Variants in SLC4A1AP observed in about 807,000 individuals in gnomAD.
SLC4A1AP encodes the protein solute carrier family 4 member 1 adaptor protein.
In SLC4A1AP, 64 loss-of-function variants were observed where a neutral mutation model predicts 89.7. That is an observed-to-expected ratio of 0.71 (90% CI 0.58 to 0.88). The LOEUF is 0.88. SLC4A1AP is among the 40% of genes least tolerant of loss of function. The pLI, the probability that SLC4A1AP is intolerant of heterozygous loss-of-function variation, is 0.00. For missense variants in SLC4A1AP, 931 were observed against 965.0 expected, an observed-to-expected ratio of 0.96 and a Z score of 0.47; for synonymous variants, 366 against 353.3, an observed-to-expected ratio of 1.04 and a Z score of -0.40.
rs765617772 is a variant in SLC4A1AP, at chr2:27,675,505, T to C, written c.1346-27T>C. 9 of 1,500,700 alleles carry C rather than the reference T, an allele frequency of 6.0e-6. No homozygotes were observed. In the Admixed American group the frequency reaches 1.3e-4, roughly 22 times the overall value. The allele number at this position is 1,500,700 out of a possible 1,614,324, so 93.0% of individuals were successfully genotyped here. ...TTTTCTTTTCTTTTTTAAAAACTTA[T>C]TTATTCATCATTTTATCTACCTCTA... On this transcript the variant is annotated intron_variant, in intron 5 of 13. Coordinates refer to ENST00000613058, the Ensembl canonical transcript of SLC4A1AP.
intron 9 of SLC4A1AP, 113 bp from the exon 10 acceptor site, chr2:27,684,924 A>G: frequency 7.8e-7 from 1 of 1,288,618 alleles, no homozygotes; most frequent in Non-Finnish European, 1.1e-6. Context: ...TGTGGAGTTC[A>G]TCAACCTAAA....
At chr2:27,688,357 C>G (rs1675739626) in intron 11 of SLC4A1AP, among the ~76,000 whole-genome samples, 1 of 152,174 alleles carries the variant, frequency 6.6e-6, no homozygotes, top group African/African-American at 2.4e-5. Flanking sequence ...AATTCCAAAA[C>G]TATCTTAAAA....
chr2:27,675,652 C>A, exon 6 of SLC4A1AP: 1 of 1,600,468 alleles, frequency 6.2e-7, no homozygotes. Context: ...ATGAAGAAGG[C>A]TGGCAAGATT....
chr2:27,683,150 C>T (rs1171335828), intron 9 of SLC4A1AP, among the ~76,000 whole-genome samples: 2 of 152,258 alleles, frequency 1.3e-5, no homozygotes, highest in East Asian at 1.9e-4. Flanking sequence ...AGTTAAATAC[C>T]AGATCACACC....
intron 5 of SLC4A1AP, among the ~76,000 whole-genome samples, chr2:27,674,939 G>A (rs191204961): frequency 1.3e-5 from 2 of 152,052 alleles, no homozygotes; most frequent in African/African-American, 4.8e-5. Flanking sequence ...CTTGACCTCA[G>A]GCGATCCATC....
intron 1 of SLC4A1AP, among the ~76,000 whole-genome samples, chr2:27,664,788 C>T (rs1022464755): frequency 3.3e-5 from 5 of 152,176 alleles, no homozygotes; most frequent in Non-Finnish European, 7.3e-5. Flanking sequence ...ACTTGTTTGG[C>T]CAGGCGCGGT....
Position 27,669,404 on chromosome 2 carries a change from C to T in SLC4A1AP, c.1345+17C>T. The T allele has an allele frequency of 2.7e-6, 4 of 1,456,338 alleles. No homozygotes were observed. The highest frequency in any genetic ancestry group is 2.7e-6 in the Non-Finnish European group (3 of 1,100,406). The allele number at this position is 1,456,338 out of a possible 1,614,324, so 90.2% of individuals were successfully genotyped here. ...AGGAAGCAGGTCAGTATATAGGAGCCCTTTTTTTCTAGATTTAAAAAAAGG... is the reference window on the plus strand; with the variant it reads ...AGGAAGCAGGTCAGTATATAGGAGCTCTTTTTTTCTAGATTTAAAAAAAGG... On this transcript the variant is annotated intron_variant, in intron 5 of 13. Transcript: ENST00000613058.
At chr2:27,664,266 C>T (rs1180778238) in exon 1 of SLC4A1AP, 1 of 1,614,254 alleles carries the variant, frequency 6.2e-7, no homozygotes, top group Admixed American at 1.7e-5. Flanking sequence ...CTTAGAGACC[C>T]TGAAGGGCGG....
At chr2:27,669,379 A>G (rs765519676) in exon 5 of SLC4A1AP, 1 of 1,609,734 alleles carries the variant, frequency 6.2e-7, no homozygotes, top group Non-Finnish European at 8.5e-7. Flanking sequence ...TTGCTTCGGC[A>G]GGAAGCAGGT....
intron 3 of SLC4A1AP, among the ~76,000 whole-genome samples, chr2:27,667,681 T>G (rs1476897611): frequency 6.6e-6 from 1 of 152,128 alleles, no homozygotes; most frequent in Admixed American, 6.5e-5. Context: ...TCCTGGACTT[T>G]GGTGGTGGGG....
intron 5 of SLC4A1AP, among the ~76,000 whole-genome samples, chr2:27,672,471 A>G (rs1309916145): frequency 6.6e-6 from 1 of 152,104 alleles, no homozygotes; most frequent in African/African-American, 2.4e-5. Flanking sequence ...CCAAGGTTTT[A>G]ATTTCTAAAA....
At chr2:27,675,489 C>T (rs759067057) in intron 5 of SLC4A1AP, 43 bp from the exon 6 acceptor site, 2 of 1,415,724 alleles carry the variant, frequency 1.4e-6, no homozygotes, top group Non-Finnish European at 1.9e-6. Flanking sequence ...TTTTTCTTTT[C>T]TTTTTTAAAA....
chr2:27,688,058 C>G (rs1675732603), intron 11 of SLC4A1AP, 38 bp downstream of exon 11: 1 of 1,549,238 alleles, frequency 6.5e-7, no homozygotes, highest in Admixed American at 1.7e-5. Context: ...GCTCTGCACA[C>G]AGGTGGCTGA....
chr2:27,670,607 A>G (rs1042414954), intron 5 of SLC4A1AP, among the ~76,000 whole-genome samples: 4 of 151,860 alleles, frequency 2.6e-5, no homozygotes, highest in Non-Finnish European at 5.9e-5. Context: ...CTGTAATCCC[A>G]GCACTTTGGG....
intron 5 of SLC4A1AP, among the ~76,000 whole-genome samples, chr2:27,673,442 CCCTTCCTT>C (rs1267419019): frequency 1.6e-4 from 7 of 44,474 alleles, no homozygotes; most frequent in Admixed American, 1.2e-3. Flanking sequence ...CTCCCTCCCT[CCCTTCCTT>C]CCTTCCTTCC....
chr2:27,678,455 C>T (rs1448181083), intron 8 of SLC4A1AP, among the ~76,000 whole-genome samples: 1 of 151,950 alleles, frequency 6.6e-6, no homozygotes, highest in East Asian at 1.9e-4. Context: ...ATCGCTTGAG[C>T]CCAGGAGTTC....
intron 6 of SLC4A1AP, among the ~76,000 whole-genome samples, chr2:27,676,026 G>T (rs191971398): frequency 5.3e-4 from 81 of 152,306 alleles, no homozygotes; most frequent in Admixed American, 4.6e-3. Flanking sequence ...TAGCCTTCTG[G>T]CAGTCAAGAG....
intron 3 of SLC4A1AP, 82 bp downstream of exon 3, chr2:27,667,472 CTAAGATATGCTATAATTTTATTG>C: frequency 8.0e-7 from 1 of 1,244,440 alleles, no homozygotes; most frequent in South Asian, 1.9e-5. Flanking sequence ...GAGCTTTATA[CTAAGATATGCTATAATTTTATTG>C]CTGTCCTTCT....
intron 8 of SLC4A1AP, among the ~76,000 whole-genome samples, chr2:27,680,117 A>T (rs752911338): frequency 3.9e-5 from 6 of 152,132 alleles, no homozygotes; most frequent in Non-Finnish European, 7.3e-5. Flanking sequence ...AGCCTTTAGC[A>T]GCCGATGTCT....
Sources: allele counts gnomAD v4.1 joint callset (sites outside exome capture counted in the v4.1 genomes callset), GRCh38; gene constraint gnomAD v4.1.1; transcripts MANE v1.5; gene names NCBI Gene and HGNC (gene_info 2026-07-23, HGNC 2026-07-21).